Variants in SUGCT observed in about 807,000 individuals in gnomAD.
SUGCT encodes succinyl-CoA:glutarate CoA-transferase.
In SUGCT, 41 loss-of-function variants were observed where a neutral mutation model predicts 55.0. That is an observed-to-expected ratio of 0.74 (90% confidence interval 0.58 to 0.97). The LOEUF (loss-of-function observed/expected upper bound fraction) is 0.97, where lower values mean the gene tolerates loss of function less well. SUGCT is among the 50% of genes least tolerant of loss of function. The probability of loss-of-function intolerance (pLI) is 0.00; values close to 1 mark genes in which losing one functional copy is unlikely to be tolerated. For missense variants in SUGCT, 568 were observed against 547.8 expected, an observed-to-expected ratio of 1.04 and a Z score of -0.37; for synonymous variants, 187 against 200.4, an observed-to-expected ratio of 0.93 and a Z score of 0.56.
chr7:40,458,657 A>T (rs1171668530), intron 10 of SUGCT, among the ~76,000 whole-genome samples: 1 of 152,224 alleles, frequency 6.6e-6, no homozygotes, highest in African/African-American at 2.4e-5. Context: ...AAGTGAATAT[A>T]TCTACAAGGT....
At chr7:40,418,960 A>G (rs1787155929) in intron 9 of SUGCT, among the ~76,000 whole-genome samples, 1 of 152,174 alleles carries the variant, frequency 6.6e-6, no homozygotes, top group African/African-American at 2.4e-5. Flanking sequence ...GAAATGATGC[A>G]TTCTTCTTTT....
the SUGCT span, among the ~76,000 whole-genome samples, chr7:40,991,589 C>T: frequency 5.9e-5 from 9 of 152,060 alleles, no homozygotes; most frequent in East Asian, 1.9e-4. Flanking sequence ...TATGCCTCTA[C>T]GTTCTCACTT....
chr7:40,757,222 G>A (rs779236611), intron 13 of SUGCT, among the ~76,000 whole-genome samples: 26 of 152,250 alleles, frequency 1.7e-4, no homozygotes, highest in Non-Finnish European at 3.5e-4. Flanking sequence ...CAAAGGAGGC[G>A]TGAATTGCAT....
the SUGCT span, among the ~76,000 whole-genome samples, chr7:40,885,085 T>C: frequency 5.3e-5 from 8 of 152,266 alleles, no homozygotes; most frequent in Non-Finnish European, 1.0e-4. Context: ...TGCCAAATAA[T>C]TCAATGACAC....
chr7:40,364,732 T>C (rs1783836154), intron 9 of SUGCT, among the ~76,000 whole-genome samples: 1 of 152,008 alleles, frequency 6.6e-6, no homozygotes. Context: ...ACCTTTAAAA[T>C]AGACCAATAA....
At chr7:40,360,318 A>AT (rs112480367) in intron 9 of SUGCT, among the ~76,000 whole-genome samples, 1,689 of 151,942 alleles carry the variant, frequency 0.011, 29 homozygotes, top group African/African-American at 0.037. Context: ...CCAGCCTAAG[A>AT]TTTTTTTTTA....
chr7:40,562,416 A>G (rs576593937), intron 12 of SUGCT, among the ~76,000 whole-genome samples: 42 of 152,014 alleles, frequency 2.8e-4, no homozygotes, highest in African/African-American at 9.9e-4. Context: ...ATGGTGTAGG[A>G]TGCTGGTGTG....
chr7:40,912,288 G>A, the SUGCT span, among the ~76,000 whole-genome samples: 2 of 151,862 alleles, frequency 1.3e-5, no homozygotes, highest in African/African-American at 2.4e-5. Flanking sequence ...ATGGTACTGG[G>A]GTCAAAATTT....
At chr7:40,567,847 A>C (rs1046159611) in intron 12 of SUGCT, among the ~76,000 whole-genome samples, 5 of 152,228 alleles carry the variant, frequency 3.3e-5, no homozygotes, top group African/African-American at 1.2e-4. Flanking sequence ...TAGCAAAAGA[A>C]ATTTCAAATT....
chr7:40,620,921 A>G (rs1276306388), intron 12 of SUGCT, among the ~76,000 whole-genome samples: 1 of 152,130 alleles, frequency 6.6e-6, no homozygotes, highest in East Asian at 1.9e-4. Context: ...GTGAGTTTTA[A>G]CTTACTTTGG....
chr7:40,785,702 A>G (rs1268045272), intron 13 of SUGCT, among the ~76,000 whole-genome samples: 1 of 152,178 alleles, frequency 6.6e-6, no homozygotes, highest in African/African-American at 2.4e-5. Flanking sequence ...AACGTCTTCT[A>G]AATTGGTGGG....
At chr7:40,906,889 TA>T in the SUGCT span, among the ~76,000 whole-genome samples, 2 of 152,084 alleles carry the variant, frequency 1.3e-5, no homozygotes, top group African/African-American at 4.8e-5. Flanking sequence ...CTCTATAACT[TA>T]GAGTTGACAA....
intron 9 of SUGCT, among the ~76,000 whole-genome samples, chr7:40,446,746 TGA>T: frequency 6.6e-6 from 1 of 152,296 alleles, no homozygotes; most frequent in East Asian, 1.9e-4. Flanking sequence ...CATGTTAGGA[TGA>T]TGAAGACTGA....
chr7:40,362,383 C>A (rs2151225357), intron 9 of SUGCT, among the ~76,000 whole-genome samples: 1 of 152,156 alleles, frequency 6.6e-6, no homozygotes, highest in South Asian at 2.1e-4. Context: ...GGCGTCACTG[C>A]ACTCCAGCCT....
At chr7:40,657,586 G>T (rs1488267833) in intron 12 of SUGCT, among the ~76,000 whole-genome samples, 2 of 151,882 alleles carry the variant, frequency 1.3e-5, no homozygotes, top group Non-Finnish European at 2.9e-5. Context: ...CCGGGCTGGG[G>T]TGCAATGGCG....
At chr7:40,962,969 G>T in the SUGCT span, among the ~76,000 whole-genome samples, 3 of 152,068 alleles carry the variant, frequency 2.0e-5, no homozygotes, top group Non-Finnish European at 4.4e-5. Context: ...TTATAATAAT[G>T]TCGAAGAAGA....
chr7:40,976,098 G>A, the SUGCT span, among the ~76,000 whole-genome samples: 1 of 152,210 alleles, frequency 6.6e-6, no homozygotes, highest in Non-Finnish European at 1.5e-5. Context: ...AACATTGGTT[G>A]TAGGGGCATT....
the SUGCT span, among the ~76,000 whole-genome samples, chr7:40,991,385 G>T: frequency 6.6e-6 from 1 of 151,994 alleles, no homozygotes; most frequent in Admixed American, 6.6e-5. Context: ...CACCATAAAA[G>T]ATATAATAAT....
intron 13 of SUGCT, among the ~76,000 whole-genome samples, chr7:40,835,890 C>CTTTT (rs1011199588): frequency 7.3e-6 from 1 of 136,078 alleles, no homozygotes; most frequent in African/African-American, 2.7e-5. Context: ...TCTTTTTTTT[C>CTTTT]TTTTTTTTTT....
Sources: allele counts gnomAD v4.1 joint callset (sites outside exome capture counted in the v4.1 genomes callset), GRCh38; gene constraint gnomAD v4.1.1; transcripts MANE v1.5; gene names NCBI Gene and HGNC (gene_info 2026-07-23, HGNC 2026-07-21).